Variants in PKNOX1 observed in about 807,000 individuals in gnomAD.
PKNOX1 encodes homeobox protein PKNOX1.
Under a neutral mutation model 51.9 loss-of-function variants are expected in PKNOX1, and 15 were observed. The ratio of observed to expected loss-of-function variants is 0.29; its 90% CI spans 0.19 to 0.45. The LOEUF (loss-of-function observed/expected upper bound fraction) is 0.45. Ranked by LOEUF, PKNOX1 falls within the 20% of genes least tolerant of loss-of-function variation. The pLI is 1.00. For missense variants in PKNOX1, 462 were observed against 547.5 expected, an observed-to-expected ratio of 0.84 and a Z score of 1.56; for synonymous variants, 219 against 211.1, an observed-to-expected ratio of 1.04 and a Z score of -0.32.
chr21:43,002,824 C>G (rs533195113), intron 1 of PKNOX1, among the ~76,000 whole-genome samples: 2 of 152,278 alleles, frequency 1.3e-5, no homozygotes, highest in African/African-American at 4.8e-5. Flanking sequence ...TCAAGCGATT[C>G]TGCTGCCTCA....
intron 1 of PKNOX1, among the ~76,000 whole-genome samples, chr21:42,985,188 C>T (rs1175255327): frequency 5.3e-5 from 8 of 151,602 alleles, no homozygotes. Context: ...GGTTTCACCA[C>T]GTTGGCCAGG....
rs79201402 is a variant in PKNOX1 at position 43,012,692 on chromosome 21, G to T, written c.352-376G>T. On this transcript the variant is annotated intron_variant, in intron 4 of 10. Transcript: ENST00000291547. ...TGAAAATGTAGCACTAGCCTAGGGT[G>T]AGTGTGGATGTATCACTATTTGTGG... Among the ~76,000 whole-genome samples the T allele has an allele frequency of 3.2e-3, 494 of 152,358 alleles. 3 individuals are homozygous for T. The highest frequency in any genetic ancestry group is 0.011 in the African/African-American group (462 of 41,582).
chr21:43,008,636 G>A (rs368086988), intron 3 of PKNOX1, among the ~76,000 whole-genome samples: 12 of 152,094 alleles, frequency 7.9e-5, no homozygotes, highest in African/African-American at 2.4e-4. Context: ...AATATTAGCC[G>A]GGTGTGGTGG....
At chr21:42,983,810 C>T (rs887888690) in intron 1 of PKNOX1, among the ~76,000 whole-genome samples, 1 of 152,056 alleles carries the variant, frequency 6.6e-6, no homozygotes, top group African/African-American at 2.4e-5. Flanking sequence ...AGTTTACATT[C>T]CTACCAACAG....
intron 8 of PKNOX1, among the ~76,000 whole-genome samples, chr21:43,023,827 G>A (rs1979871395): frequency 1.3e-5 from 2 of 151,980 alleles, no homozygotes; most frequent in South Asian, 4.2e-4. Flanking sequence ...TGTTAGCCAG[G>A]ATGGTCTTGA....
chr21:42,985,515 A>G (rs2146229229), intron 1 of PKNOX1, among the ~76,000 whole-genome samples: 1 of 151,156 alleles, frequency 6.6e-6, no homozygotes, highest in Middle Eastern at 3.5e-3. Flanking sequence ...TTGTGTTTTT[A>G]GTAGAGACGG....
chr21:43,017,642 G>A (rs531718563), intron 6 of PKNOX1: 9 of 153,806 alleles, frequency 5.9e-5, no homozygotes, highest in African/African-American at 1.7e-4. Context: ...CTTAACATGT[G>A]CTAATTTTAG....
At position 43,025,041 on chromosome 21, in the gene PKNOX1, G is replaced by A. The variant is rs117060078; in HGVS notation, c.926+94G>A. ...ACATGGTGAAATCTTGCTGAAAATA[G>A]GAGGTCTCTCTTTTTCTTTTTTCCC... is the stretch of plus-strand genomic sequence containing the variant. On this transcript the variant is annotated intron_variant, in intron 9 of 10. Coordinates refer to ENST00000291547, the MANE Select transcript of PKNOX1 (RefSeq NM_004571.5). 2.9e-5 allele frequency: 23 copies of A among 787,328 alleles called. No homozygotes were observed. The East Asian group carries it at 5.8e-4, about 20-fold the overall frequency. The allele number at this position is 787,328 out of a possible 1,614,324, so 48.8% of individuals were successfully genotyped here. A position where few individuals can be genotyped will look rare whatever the true frequency, so the allele number is the denominator to read the frequency against.
At chr21:43,028,608 C>T (rs2839627) in intron 9 of PKNOX1, 94 bp from the exon 10 acceptor site, 134,231 of 1,149,458 alleles carry the variant, frequency 0.12, 8,876 homozygotes, top group African/African-American at 0.24. Context: ...TAGCGTGCTT[C>T]GTAGAGCAGC....
chr21:43,018,374 G>C, intron 7 of PKNOX1, 144 bp downstream of exon 7: 1 of 551,206 alleles, frequency 1.8e-6, no homozygotes, highest in Non-Finnish European at 3.3e-6. Context: ...TCAGTGTTTT[G>C]TTTCTTTGTA....
At chr21:42,983,708 A>G (rs935910221) in intron 1 of PKNOX1, among the ~76,000 whole-genome samples, 1 of 152,168 alleles carries the variant, frequency 6.6e-6, no homozygotes, top group African/African-American at 2.4e-5. Context: ...GGGAACCTCC[A>G]TCCGATTTTT....
chr21:43,012,846 G>A (rs1444095998), intron 4 of PKNOX1, among the ~76,000 whole-genome samples: 4 of 152,148 alleles, frequency 2.6e-5, no homozygotes, highest in African/African-American at 7.2e-5. Flanking sequence ...TCACCACCAC[G>A]CGCCTTTGTC....
chr21:42,993,395 G>A (rs996114761), intron 1 of PKNOX1, among the ~76,000 whole-genome samples: 2 of 152,150 alleles, frequency 1.3e-5, no homozygotes, highest in Non-Finnish European at 2.9e-5. Flanking sequence ...CCTCCACGTT[G>A]CCCTGCTGCA....
chr21:43,006,947 G>A (rs1979014978), intron 2 of PKNOX1, among the ~76,000 whole-genome samples: 1 of 152,210 alleles, frequency 6.6e-6, no homozygotes, highest in African/African-American at 2.4e-5. Flanking sequence ...GTTTAAAGCA[G>A]TTTAAATGAT....
chr21:43,013,359 AC>A, intron 5 of PKNOX1, 121 bp downstream of exon 5: 1 of 710,700 alleles, frequency 1.4e-6, no homozygotes, highest in East Asian at 3.0e-5. Context: ...TACAAGAAGG[AC>A]CCTCTAGGTC....
In PKNOX1 at chr21:43,033,175, G is replaced by A. The variant is rs375586060; in HGVS notation, c.*3074G>A. 1 of 152,206 alleles carries A rather than the reference G, an allele frequency of 6.6e-6. No homozygotes were observed. The highest frequency in any genetic ancestry group is 6.5e-5 in the Admixed American group (1 of 15,272). 9.4% of individuals were successfully genotyped at this position (152,206 alleles called of 1,614,324 possible). A position where few individuals can be genotyped will look rare whatever the true frequency, so the allele number is the denominator to read the frequency against. ...GGGTTCCAGCTCGCTCCCACCGAGGGACTAGCTTGGCCTTTGCGCTTTGAT... is the reference window on the plus strand; with the variant it reads ...GGGTTCCAGCTCGCTCCCACCGAGGAACTAGCTTGGCCTTTGCGCTTTGAT... On this transcript the variant is annotated 3_prime_UTR_variant, in exon 11 of 11. Coordinates refer to ENST00000291547, the MANE Select transcript of PKNOX1 (RefSeq NM_004571.5).
intron 1 of PKNOX1, among the ~76,000 whole-genome samples, chr21:42,998,034 C>G (rs1475358226): frequency 1.3e-5 from 2 of 152,130 alleles, no homozygotes; most frequent in Non-Finnish European, 2.9e-5. Flanking sequence ...GTAGCTCACA[C>G]CTTGTGTTGT....
intron 1 of PKNOX1, among the ~76,000 whole-genome samples, chr21:42,983,617 G>A (rs920582845): frequency 1.3e-5 from 2 of 151,344 alleles, no homozygotes; most frequent in African/African-American, 4.9e-5. Flanking sequence ...ACTTCTCCGA[G>A]ATCCTACTTT....
intron 1 of PKNOX1, among the ~76,000 whole-genome samples, chr21:42,984,083 CGTGTGTGTGTGT>C (rs61381629): frequency 4.0e-5 from 6 of 149,716 alleles, no homozygotes; most frequent in East Asian, 4.0e-4. Flanking sequence ...CGTGTGTGTG[CGTGTGTGTGTGT>C]GTGTGTGTGT....
Sources: gnomAD v4.1 joint callset for allele counts (sites outside exome capture counted in the v4.1 genomes callset) on GRCh38, gnomAD v4.1.1 for gene constraint, MANE v1.5 for transcripts, NCBI Gene and HGNC (gene_info 2026-07-23, HGNC 2026-07-21) for gene names.